Variants in ARHGAP10 observed in about 807,000 individuals in gnomAD.
The protein encoded by ARHGAP10 is rho GTPase-activating protein 10.
A neutral mutation model predicts 108.6 loss-of-function variants in ARHGAP10; 87 were observed. The ratio of observed to expected loss-of-function variants is 0.80; its 90% CI spans 0.67 to 0.96. ARHGAP10 has a LOEUF of 0.96. Among genes scored for constraint, ARHGAP10 ranks in the 40% least tolerant of loss-of-function variants. The pLI is 0.00. For synonymous variants in ARHGAP10, 347 were observed against 341.1 expected (o/e 1.02, Z -0.19); for missense variants, 939 against 954.5 (o/e 0.98, Z 0.21).
chr4:148,024,873 T>TGGAAAGTA (rs1741708266), intron 19 of ARHGAP10, among the ~76,000 whole-genome samples: 1 of 152,156 alleles, frequency 6.6e-6, no homozygotes, highest in African/African-American at 2.4e-5. Context: ...AAGCAAATGT[T>TGGAAAGTA]GGAAAGTAGG....
At position 147,874,112 on chromosome 4, in the gene ARHGAP10, G is replaced by T. The variant is rs932116689; in HGVS notation, c.703-909G>T. ...CTCTCCATCCCTTTACAAAAAAGATGTGCCATTCTAACATTTTGCCACGCT... is the reference window on the plus strand; with the variant it reads ...CTCTCCATCCCTTTACAAAAAAGATTTGCCATTCTAACATTTTGCCACGCT... On this transcript the variant is annotated intron_variant, in intron 7 of 22. Transcript: ENST00000336498. Among the ~76,000 whole-genome samples, 3 of 151,806 alleles carry T rather than the reference G, an allele frequency of 2.0e-5. No individual in the cohort carries two copies. The East Asian group carries it at 5.8e-4, about 29-fold the overall frequency.
At chr4:147,833,911 T>TA (rs36033014) in intron 3 of ARHGAP10, among the ~76,000 whole-genome samples, 2 of 152,146 alleles carry the variant, frequency 1.3e-5, no homozygotes, top group Non-Finnish European at 2.9e-5. Flanking sequence ...ACCTCTCAGA[T>TA]AGAGGAAGGA....
chr4:147,873,534 T>G (rs1404273439), intron 7 of ARHGAP10, among the ~76,000 whole-genome samples: 1 of 151,106 alleles, frequency 6.6e-6, no homozygotes, highest in East Asian at 1.9e-4. Context: ...ATTACAAAGA[T>G]GGGGATAAGG....
Position 148,021,762 on chromosome 4 carries a change from G to A in ARHGAP10, c.1717-1501G>A, listed in dbSNP as rs139593086. On this transcript the variant is annotated intron_variant, in intron 18 of 22. Transcript: ENST00000336498. ...AGCAGAGGATTTTTTAGGCAGATAA[G>A]TAGTTTGCTATTGGCCAGAGTGGTC... is the stretch of plus-strand genomic sequence containing the variant. 8.1e-3 allele frequency among the ~76,000 whole-genome samples: 1,231 copies of A among 152,268 alleles called. 20 individuals carry two copies. Among genetic ancestry groups the A allele is most frequent in the African/African-American group, 0.027 (1,130 of 41,542 alleles).
At chr4:147,839,092 G>GTATCTATCTATC (rs139337846) in intron 3 of ARHGAP10, among the ~76,000 whole-genome samples, 8 of 143,894 alleles carry the variant, frequency 5.6e-5, no homozygotes, top group East Asian at 2.1e-4. Context: ...TAGATCTATC[G>GTATCTATCTATC]TATCTATCTA....
chr4:147,989,866 T>A (rs1035956477), intron 18 of ARHGAP10, among the ~76,000 whole-genome samples: 1 of 152,202 alleles, frequency 6.6e-6, no homozygotes, highest in African/African-American at 2.4e-5. Context: ...AGGATATTGA[T>A]TGGGGAAGTG....
chr4:147,781,310 T>A (rs1375709042), intron 1 of ARHGAP10, among the ~76,000 whole-genome samples: 2 of 151,964 alleles, frequency 1.3e-5, no homozygotes, highest in Non-Finnish European at 2.9e-5. Context: ...TGCCAGAAAC[T>A]ATTGGGGGAT....
intron 10 of ARHGAP10, among the ~76,000 whole-genome samples, chr4:147,902,457 G>C (rs949082293): frequency 2.6e-5 from 4 of 152,226 alleles, no homozygotes; most frequent in Non-Finnish European, 5.9e-5. Flanking sequence ...GCCGGGCGCA[G>C]TGGCTCATGC....
intron 13 of ARHGAP10, among the ~76,000 whole-genome samples, chr4:147,929,816 A>G (rs2164531): frequency 0.12 from 17,701 of 152,210 alleles, 2,276 homozygotes; most frequent in East Asian, 0.3. Context: ...TATACATATA[A>G]GGCATCTAAA....
At chr4:147,815,850 A>G (rs2126777951) in intron 1 of ARHGAP10, among the ~76,000 whole-genome samples, 1 of 152,320 alleles carries the variant, frequency 6.6e-6, no homozygotes, top group African/African-American at 2.4e-5. Context: ...TAGGTGACAG[A>G]GTGAGACAGT....
intron 1 of ARHGAP10, among the ~76,000 whole-genome samples, chr4:147,772,380 T>C (rs960854348): frequency 2.6e-5 from 4 of 152,194 alleles, no homozygotes; most frequent in African/African-American, 7.2e-5. Flanking sequence ...TCCTCTCTCC[T>C]CTCTGCAGTT....
chr4:148,065,397 G>A (rs1729816171), intron 22 of ARHGAP10: 2 of 152,186 alleles, frequency 1.3e-5, no homozygotes, highest in African/African-American at 4.8e-5. Flanking sequence ...GCCTCATTTA[G>A]AATAGATTTC....
chr4:147,786,694 A>G (rs999314002), intron 1 of ARHGAP10, among the ~76,000 whole-genome samples: 6 of 152,238 alleles, frequency 3.9e-5, no homozygotes, highest in African/African-American at 1.4e-4. Flanking sequence ...ATGGGATGGC[A>G]TAGATTAGTT....
intron 18 of ARHGAP10, among the ~76,000 whole-genome samples, chr4:147,979,400 T>C (rs1379367484): frequency 6.6e-6 from 1 of 152,212 alleles, no homozygotes; most frequent in East Asian, 1.9e-4. Flanking sequence ...TTCTGTTCCA[T>C]TGGTCTATAT....
chr4:147,830,069 T>C (rs1436479420), intron 3 of ARHGAP10, among the ~76,000 whole-genome samples: 1 of 152,194 alleles, frequency 6.6e-6, no homozygotes, highest in Non-Finnish European at 1.5e-5. Flanking sequence ...TGAGGAAGTG[T>C]CTTGTCCACG....
chr4:147,815,203 C>A (rs1055023306), intron 1 of ARHGAP10, among the ~76,000 whole-genome samples: 1 of 152,214 alleles, frequency 6.6e-6, no homozygotes, highest in Non-Finnish European at 1.5e-5. Flanking sequence ...CTCAACACAT[C>A]TCTGGGTTCC....
chr4:147,887,840 C>T (rs564687626), intron 10 of ARHGAP10, among the ~76,000 whole-genome samples: 41 of 151,044 alleles, frequency 2.7e-4, no homozygotes, highest in Non-Finnish European at 5.2e-4. Context: ...CCAGCCTGGG[C>T]GACAGAGCGA....
At position 147,857,361 on chromosome 4, in the gene ARHGAP10, C is replaced by A. The variant is rs529980705; in HGVS notation, c.385-192C>A. ...ATTAAAGGAAGAAATAAAAGTGTCT[C>A]TTCTATCCTAATGCTGTCTTGATGA... On this transcript the variant is annotated intron_variant, in intron 4 of 22. Coordinates refer to ENST00000336498, the MANE Select transcript of ARHGAP10 (RefSeq NM_024605.4). Among the ~76,000 whole-genome samples the A allele has an allele frequency of 7.4e-4, 113 of 152,260 alleles. 2 individuals carry two copies. Among genetic ancestry groups the A allele is most frequent in the Non-Finnish European group, 1.2e-4 (8 of 68,010 alleles).
At chr4:147,950,539 G>A (rs1410469094) in intron 15 of ARHGAP10, among the ~76,000 whole-genome samples, 1 of 152,132 alleles carries the variant, frequency 6.6e-6, no homozygotes, top group African/African-American at 2.4e-5. Flanking sequence ...AAATAACCCA[G>A]CTATCTTATT....
Sources: allele counts gnomAD v4.1 joint callset (sites outside exome capture counted in the v4.1 genomes callset), GRCh38; gene constraint gnomAD v4.1.1; transcripts MANE v1.5; gene names NCBI Gene and HGNC (gene_info 2026-07-23, HGNC 2026-07-21).